MYO18A: variants seen among roughly 807,000 people sequenced by gnomAD.
The protein encoded by MYO18A is myosin XVIIIA.
A neutral mutation model predicts 235.8 loss-of-function variants in MYO18A; 78 were observed. The observed-to-expected ratio is 0.33, with a 90% CI of 0.28 to 0.40. The LOEUF is 0.40. Ranked by LOEUF, MYO18A falls within the 10% of genes least tolerant of loss-of-function variation. The pLI, the probability that MYO18A is intolerant of heterozygous loss-of-function variation, is 1.00. For missense variants in MYO18A, 2,215 were observed against 2,699.3 expected, an observed-to-expected ratio of 0.82 and a Z score of 3.98; for synonymous variants, 977 against 1,077.8, an observed-to-expected ratio of 0.91 and a Z score of 1.83.
chr17:29,103,731 G>A, intron 20 of MYO18A, 67 bp from the exon 21 acceptor site: 1 of 1,482,496 alleles, frequency 6.7e-7, no homozygotes, highest in Non-Finnish European at 9.4e-7. Context: ...GCTTTCTCCA[G>A]GCCCTTGGCC....
intron 2 of MYO18A, among the ~76,000 whole-genome samples, chr17:29,138,112 C>T (rs1405101717): frequency 1.3e-5 from 2 of 152,160 alleles, no homozygotes; most frequent in African/African-American, 2.4e-5. Context: ...CTCTGGGCCC[C>T]TCACAGGAGG....
rs1308890565 is a variant in MYO18A, at chr17:29,121,319, C to T, written c.1372-108G>A. 7.8e-7 allele frequency: 1 copy of T among 1,288,672 alleles called. No homozygotes were observed. Among genetic ancestry groups the T allele is most frequent in the East Asian group, 2.5e-5 (1 of 39,444 alleles). The allele number at this position is 1,288,672 out of a possible 1,614,324, so 79.8% of individuals were successfully genotyped here. ...TTTCTGGATTTTCCCTCCTGTAGTG[C>T]CCAGGGATTCCAAGGCCAAGGCCAT... On this transcript the variant is annotated intron_variant, in intron 5 of 41. Transcript: ENST00000527372. This position sits in a 1 kb window ranked among gnomAD's most constrained non-coding sequence, Gnocchi z 4.2.
At chr17:29,086,342 G>A in intron 39 of MYO18A, 96 bp downstream of exon 39, 3 of 1,390,734 alleles carry the variant, frequency 2.2e-6, no homozygotes, top group Non-Finnish European at 3.0e-6. Flanking sequence ...TCATGGGGAG[G>A]CAGAGGTTGC....
Position 29,116,417 on chromosome 17 carries a change from G to A in MYO18A, c.2050+27C>T, listed in dbSNP as rs1351165442. ...CATGTGTCTAATCACGGCAATTAGG[G>A]AAAGCTAACAAGAAACAAGGTTTTA... is the stretch of plus-strand genomic sequence containing the variant. On this transcript the variant is annotated intron_variant, in intron 11 of 41. Coordinates refer to ENST00000527372, the MANE Select transcript of MYO18A (RefSeq NM_078471.4). The A allele has an allele frequency of 4.3e-6, 7 of 1,613,764 alleles. No homozygotes were observed. In the African/African-American group the frequency reaches 9.3e-5, roughly 22 times the overall value.
Position 29,122,259 on chromosome 17 carries a change from A to G in MYO18A, c.1000-6T>C. 1 of 1,604,716 alleles carries G rather than the reference A, an allele frequency of 6.2e-7. No individual in the cohort carries two copies. The highest frequency in any genetic ancestry group is 8.5e-7 in the Non-Finnish European group (1 of 1,174,558). ...ATCTGTTCTTCTGTTTTCGCCTGTCAGAGAGAGAGAAGAATAAACAGGCCC... is the reference window on the plus strand; with the variant it reads ...ATCTGTTCTTCTGTTTTCGCCTGTCGGAGAGAGAGAAGAATAAACAGGCCC... On this transcript the variant is annotated splice_region_variant and splice_polypyrimidine_tract_variant and intron_variant, in intron 2 of 41. Transcript: ENST00000527372.
chr17:29,085,544 G>A (rs2066232995), intron 40 of MYO18A, 60 bp downstream of exon 40: 1 of 1,537,556 alleles, frequency 6.5e-7, no homozygotes, highest in Non-Finnish European at 9.0e-7. Flanking sequence ...GGGAGCCAGT[G>A]TTAGGGGTGG....
In MYO18A at chr17:29,099,775, A is replaced by G; in HGVS notation, c.3508-13T>C. 6.2e-7 allele frequency: 1 copy of G among 1,610,354 alleles called. No homozygotes were observed. Among genetic ancestry groups the G allele is most frequent in the Non-Finnish European group, 8.5e-7 (1 of 1,178,806 alleles). ...CCCGGAAGAACACCTGTGAAAAAGCAGGCCAGGTGAAGGCAGGATACTGGG... is the reference window on the plus strand; with the variant it reads ...CCCGGAAGAACACCTGTGAAAAAGCGGGCCAGGTGAAGGCAGGATACTGGG... On this transcript the variant is annotated splice_polypyrimidine_tract_variant and intron_variant, in intron 21 of 41. Transcript: ENST00000527372.
chr17:29,139,437 G>C (rs968411756), intron 2 of MYO18A, among the ~76,000 whole-genome samples: 15 of 152,204 alleles, frequency 9.9e-5, no homozygotes, highest in African/African-American at 3.4e-4. Context: ...CCCACCCCCG[G>C]GCATACTGCC....
intron 2 of MYO18A, among the ~76,000 whole-genome samples, chr17:29,145,122 G>A (rs1013961514): frequency 2.0e-5 from 3 of 152,142 alleles, no homozygotes; most frequent in Non-Finnish European, 4.4e-5. Context: ...AATGATAATC[G>A]ATTCGTGTTG....
chr17:29,125,205 C>G lies in MYO18A; in HGVS notation c.1000-2952G>C, dbSNP rs775810827. 1.3e-5 allele frequency among the ~76,000 whole-genome samples: 2 copies of G among 152,196 alleles called. No homozygotes were observed. Among genetic ancestry groups the G allele is most frequent in the Non-Finnish European group, 2.9e-5 (2 of 68,034 alleles). ...TCTAACACAGCCCAAGGGTGCCACT[C>G]CCTAGGCCAAGGGCTGTGTTCAGAG... On this transcript the variant is annotated intron_variant, in intron 2 of 41. Transcript: ENST00000527372. The surrounding 1 kb of genome is among the most constrained non-coding windows in gnomAD (Gnocchi z 5.1).
rs1189100879 is a variant in MYO18A at position 29,098,093 on chromosome 17, C to A, written c.3990+12G>T. 4 of 1,611,838 alleles carry A rather than the reference C, an allele frequency of 2.5e-6. No homozygotes were observed. In the East Asian group the frequency reaches 8.9e-5, roughly 36 times the overall value. On this transcript the variant is annotated intron_variant, in intron 25 of 41. Coordinates refer to ENST00000527372, the MANE Select transcript of MYO18A (RefSeq NM_078471.4). ...CACCAGCCTGCTGTTCTCACCCAGG[C>A]CCTGCCCTCACCTGCAGTTCCTTCA...
At chr17:29,086,737 G>A in intron 38 of MYO18A, 160 bp from the exon 39 acceptor site, 30 of 1,182,476 alleles carry the variant, frequency 2.5e-5, no homozygotes, top group Non-Finnish European at 3.5e-5. Flanking sequence ...GGGCTGTGGG[G>A]TCCAAGCCTC....
At chr17:29,169,676 G>A (rs966015393) in intron 1 of MYO18A, among the ~76,000 whole-genome samples, 1 of 152,086 alleles carries the variant, frequency 6.6e-6, no homozygotes, top group African/African-American at 2.4e-5. Flanking sequence ...AACTCCAGGG[G>A]CACTTGTGGA....
At chr17:29,149,314 TA>T (rs1253502164) in intron 2 of MYO18A, among the ~76,000 whole-genome samples, 5 of 152,210 alleles carry the variant, frequency 3.3e-5, no homozygotes, top group Non-Finnish European at 7.3e-5. Context: ...ATTGATGGAA[TA>T]AATGAATGAA....
intron 1 of MYO18A, among the ~76,000 whole-genome samples, chr17:29,173,768 T>TG (rs1451167791): frequency 1.3e-5 from 2 of 152,010 alleles, no homozygotes; most frequent in East Asian, 1.9e-4. Flanking sequence ...GTGGTATCTG[T>TG]GAAAAAAAAA....
chr17:29,080,202 G>A (rs564910662), intron 41 of MYO18A: 4 of 986,050 alleles, frequency 4.1e-6, no homozygotes, highest in Middle Eastern at 5.2e-4. Context: ...CATCCTCCTC[G>A]GAGTCGGGCT....
rs372051440 is a variant in MYO18A at position 29,098,865 on chromosome 17, G to A, written c.3741C>T (p.Ile1247=). 1.7e-5 allele frequency: 28 copies of A among 1,613,960 alleles called. No individual in the cohort carries two copies. Among genetic ancestry groups the A allele is most frequent in the East Asian group, 8.9e-5 (4 of 44,882 alleles). The part of the protein sequence containing the change: ...WKLFTTVRPL[I]EVQLSEEQIR... ...TCTGCTCCTCTGACAGCTGTACTTC[G>A]ATGAGGGGCCTCACTGTGGTAAAAA... is the stretch of plus-strand genomic sequence containing the variant. The change falls in exon 23 of 42, where the codon ATC becomes ATT. Residue 1247 remains isoleucine, a synonymous_variant. Coordinates refer to ENST00000527372, the MANE Select transcript of MYO18A (RefSeq NM_078471.4).
At chr17:29,115,307 C>T (rs1311069125) in intron 13 of MYO18A, 44 bp downstream of exon 13, 19 of 1,604,674 alleles carry the variant, frequency 1.2e-5, no homozygotes, top group Non-Finnish European at 1.6e-5. Context: ...TCTACTCCAC[C>T]TCTGCCAAAG....
chr17:29,154,271 G>A (rs925719550), intron 2 of MYO18A, among the ~76,000 whole-genome samples: 3 of 152,164 alleles, frequency 2.0e-5, no homozygotes, highest in African/African-American at 7.2e-5. Context: ...GGAGAGGCGT[G>A]TAGACAGGCC....
Sources: gnomAD v4.1 joint callset for allele counts (sites outside exome capture counted in the v4.1 genomes callset) on GRCh38, gnomAD v4.1.1 for gene constraint, Gnocchi (gnomAD v3.1) non-coding constraint, MANE v1.5 for transcripts, NCBI Gene and HGNC (gene_info 2026-07-23, HGNC 2026-07-21) for gene names.